The following LPP variants were observed in gnomAD, a reference collection of about 807,000 sequenced individuals.
LPP encodes the protein lipoma-preferred partner.
Under a neutral mutation model 60.4 loss-of-function variants are expected in LPP, and 38 were observed. That is an observed-to-expected ratio of 0.63 (90% CI 0.49 to 0.83). The LOEUF (loss-of-function observed/expected upper bound fraction) is 0.83, where lower values mean the gene tolerates loss of function less well. Ranked by LOEUF, LPP falls within the 40% of genes least tolerant of loss-of-function variation. The pLI, the probability that LPP is intolerant of heterozygous loss-of-function variation, is 0.00. For missense variants in LPP, 902 were observed against 783.6 expected (o/e 1.15, Z -1.80); for synonymous variants, 328 against 290.8 (o/e 1.13, Z -1.30).
chr3:188,795,283 A>T (rs6444329), intron 9 of LPP, among the ~76,000 whole-genome samples: 7 of 152,078 alleles, frequency 4.6e-5, no homozygotes, highest in Admixed American at 3.3e-4. Flanking sequence ...AATTCTAACT[A>T]CTCTAGCAAA....
chr3:188,401,784 C>A (rs760480504), intron 3 of LPP, among the ~76,000 whole-genome samples: 2 of 152,114 alleles, frequency 1.3e-5, no homozygotes, highest in Non-Finnish European at 2.9e-5. Flanking sequence ...ATGGGCAGAG[C>A]ACCATGTGAC....
intron 1 of LPP, among the ~76,000 whole-genome samples, chr3:188,177,584 T>C (rs1276212025): frequency 6.6e-6 from 1 of 151,794 alleles, no homozygotes; most frequent in Non-Finnish European, 1.5e-5. Flanking sequence ...TGGCTAGGAG[T>C]TGGAGGATCC....
At chr3:188,348,213 C>T (rs1478499403) in intron 3 of LPP, among the ~76,000 whole-genome samples, 1 of 152,012 alleles carries the variant, frequency 6.6e-6, no homozygotes, top group Non-Finnish European at 1.5e-5. Context: ...CCGGCATGAC[C>T]TTGGCTCACT....
chr3:188,765,564 A>G lies in LPP; in HGVS notation c.1410+5282A>G, dbSNP rs544302569. Among the ~76,000 whole-genome samples the G allele has an allele frequency of 2.3e-4, 35 of 152,256 alleles. 1 individual carries two copies. The South Asian group carries it at 6.8e-3, about 30-fold the overall frequency. Reference sequence around the variant, plus strand: ...CTAGTAGAGCCTTGTGAAATAGATCATGGGGAGATTATTAGTCTCATTTTA... The same window carrying G: ...CTAGTAGAGCCTTGTGAAATAGATCGTGGGGAGATTATTAGTCTCATTTTA... On this transcript the variant is annotated intron_variant, in intron 9 of 11. Coordinates refer to ENST00000617246, the MANE Select transcript of LPP (RefSeq NM_001375462.1).
intron 7 of LPP, among the ~76,000 whole-genome samples, chr3:188,666,288 T>A (rs1855783542): frequency 6.6e-6 from 1 of 152,248 alleles, no homozygotes; most frequent in Non-Finnish European, 1.5e-5. Flanking sequence ...TCCTAACTTA[T>A]GACTTGATCT....
At chr3:188,526,346 A>T (rs1452990343) in intron 6 of LPP, among the ~76,000 whole-genome samples, 1 of 151,910 alleles carries the variant, frequency 6.6e-6, no homozygotes, top group Non-Finnish European at 1.5e-5. Flanking sequence ...CAAGGCTGGA[A>T]TGCAGTGGCG....
chr3:188,307,797 ACTT>A lies in LPP; in HGVS notation c.-66-33865_-66-33863del, dbSNP rs1577997890. On this transcript the variant is annotated intron_variant, in intron 2 of 11. Coordinates refer to ENST00000617246, the MANE Select transcript of LPP (RefSeq NM_001375462.1). ...GCTCATAACTGGGATGTTCAATATGACTTTATTAACACAGGGAATACAGCTGAT... is the reference window on the plus strand; with the variant it reads ...GCTCATAACTGGGATGTTCAATATGATATTAACACAGGGAATACAGCTGAT... 3.9e-5 allele frequency among the ~76,000 whole-genome samples: 6 copies of A among 152,260 alleles called. No homozygotes were observed. The East Asian group carries it at 1.2e-3, about 29-fold the overall frequency.
At position 188,405,730 on chromosome 3, in the gene LPP, C is replaced by T. The variant is rs538711270; in HGVS notation, c.-9-382C>T. Among the ~76,000 whole-genome samples the T allele has an allele frequency of 3.9e-5, 6 of 152,248 alleles. No homozygotes were observed. In the South Asian group the frequency reaches 1.2e-3, roughly 32 times the overall value. On this transcript the variant is annotated intron_variant, in intron 3 of 11. Coordinates refer to ENST00000617246, the MANE Select transcript of LPP (RefSeq NM_001375462.1). ...TTATTAATAAAATTCAAGCTCTTTT[C>T]CATCCTCCTACCATAAAATCTCCTT...
intron 2 of LPP, 62 bp downstream of exon 2, chr3:188,225,589 A>AGTTTTAAACATCAGT (rs1245923592): frequency 5.3e-5 from 8 of 152,246 alleles, no homozygotes; most frequent in African/African-American, 1.7e-4. Context: ...TGTTTTAATG[A>AGTTTTAAACATCAGT]GTTTTAAACA....
chr3:188,207,171 A>C (rs1337696507), intron 1 of LPP, among the ~76,000 whole-genome samples: 1 of 145,566 alleles, frequency 6.9e-6, no homozygotes, highest in African/African-American at 2.6e-5. Context: ...GTTTATTTCT[A>C]TCCATCTGCC....
chr3:188,720,641 G>T (rs1462592712), intron 8 of LPP, among the ~76,000 whole-genome samples: 1 of 151,284 alleles, frequency 6.6e-6, no homozygotes, highest in Non-Finnish European at 1.5e-5. Context: ...CACAGAAGCA[G>T]GTCCAAGTTA....
chr3:188,630,515 G>T lies in LPP; in HGVS notation c.1113+20671G>T, dbSNP rs1847669836. ...AAGGGAATGCTTGTGCACTCCTGTT[G>T]GGAATGTAAATTAGTTCAGTCTCAC... On this transcript the variant is annotated intron_variant, in intron 7 of 11. Transcript: ENST00000617246. 2.0e-5 allele frequency among the ~76,000 whole-genome samples: 3 copies of T among 152,136 alleles called. No individual in the cohort carries two copies. In the South Asian group the frequency reaches 6.2e-4, roughly 32 times the overall value.
intron 2 of LPP, among the ~76,000 whole-genome samples, chr3:188,311,215 C>T (rs1293807447): frequency 2.0e-5 from 3 of 151,728 alleles, no homozygotes; most frequent in Non-Finnish European, 2.9e-5. Context: ...TGTCTACTGT[C>T]AAATCCCGGC....
intron 1 of LPP, among the ~76,000 whole-genome samples, chr3:188,176,440 C>G (rs916852006): frequency 3.3e-5 from 5 of 152,082 alleles, no homozygotes; most frequent in Non-Finnish European, 5.9e-5. Context: ...TCAGGCACCC[C>G]GACTCACAGA....
At chr3:188,670,757 T>C (rs573710193) in intron 7 of LPP, among the ~76,000 whole-genome samples, 1 of 152,274 alleles carries the variant, frequency 6.6e-6, no homozygotes, top group South Asian at 2.1e-4. Flanking sequence ...TACAACCTCC[T>C]TTGCCTCCAA....
chr3:188,231,089 C>A (rs760145093), intron 2 of LPP, among the ~76,000 whole-genome samples: 5 of 152,118 alleles, frequency 3.3e-5, no homozygotes, highest in Non-Finnish European at 5.9e-5. Flanking sequence ...AGAGAGAGTC[C>A]CTGAGAGGCA....
chr3:188,197,554 G>A (rs1729892445), intron 1 of LPP, among the ~76,000 whole-genome samples: 1 of 152,118 alleles, frequency 6.6e-6, no homozygotes, highest in South Asian at 2.1e-4. Context: ...TTTCTGTATA[G>A]CATAGAGGTG....
At chr3:188,541,430 C>G (rs1171558746) in intron 6 of LPP, among the ~76,000 whole-genome samples, 5 of 152,096 alleles carry the variant, frequency 3.3e-5, no homozygotes, top group African/African-American at 1.2e-4. Flanking sequence ...ACCCTTAAGG[C>G]TTGCCCTAGT....
At chr3:188,479,847 C>T (rs78227322) in intron 4 of LPP, among the ~76,000 whole-genome samples, 2,161 of 152,300 alleles carry the variant, frequency 0.014, 50 homozygotes, top group African/African-American at 0.049. Context: ...TGAATCCAAA[C>T]TTTGTTGATA....
Sources: gnomAD v4.1 joint callset for allele counts (sites outside exome capture counted in the v4.1 genomes callset) on GRCh38, gnomAD v4.1.1 for gene constraint, MANE v1.5 for transcripts, NCBI Gene and HGNC (gene_info 2026-07-23, HGNC 2026-07-21) for gene names.